PCDHGA3: variants seen among roughly 807,000 people sequenced by gnomAD.
PCDHGA3 encodes the protein protocadherin gamma subfamily A, 3.
A neutral mutation model predicts 58.5 loss-of-function variants in PCDHGA3; 40 were observed. The observed-to-expected ratio is 0.68, with a 90% CI of 0.53 to 0.89. The LOEUF (loss-of-function observed/expected upper bound fraction) is 0.89, where lower values mean the gene tolerates loss of function less well. Among genes scored for constraint, PCDHGA3 ranks in the 40% least tolerant of loss-of-function variants. The pLI, the probability that PCDHGA3 is intolerant of heterozygous loss-of-function variation, is 0.00. For missense variants in PCDHGA3, 1,223 were observed against 1,195.9 expected, an observed-to-expected ratio of 1.02 and a Z score of -0.33; for synonymous variants, 530 against 525.7, an observed-to-expected ratio of 1.01 and a Z score of -0.11.
At position 141,415,428 on chromosome 5, in the gene PCDHGA3, G is replaced by T. The variant is rs948747218; in HGVS notation, c.2424+68971G>T. 1.5e-5 allele frequency: 24 copies of T among 1,614,088 alleles called. No individual in the cohort carries two copies. In the Admixed American group the frequency reaches 1.7e-4, roughly 11 times the overall value. ...ACTTTGTGGGCGTGGACGGGGTTCG[G>T]GCTTTCCTGCAGACCTATTCCCACG... On this transcript the variant is annotated intron_variant, in intron 1 of 3. Transcript: ENST00000253812.
At chr5:141,376,909 G>T (rs1253318299) in intron 1 of PCDHGA3, 1 of 186,916 alleles carries the variant, frequency 5.3e-6, no homozygotes, top group Non-Finnish European at 1.1e-5. Context: ...GGATGGTCTC[G>T]ATCTCCTGAC....
intron 1 of PCDHGA3, chr5:141,478,480 G>C (rs1444434721): frequency 1.9e-6 from 3 of 1,613,564 alleles, no homozygotes; most frequent in South Asian, 2.2e-5. Flanking sequence ...GCCAGAACAC[G>C]CTGCGGAGCT....
chr5:141,453,022 T>C (rs1222692572), intron 1 of PCDHGA3, among the ~76,000 whole-genome samples: 1 of 152,230 alleles, frequency 6.6e-6, no homozygotes, highest in Non-Finnish European at 1.5e-5. Flanking sequence ...ATGTGATTCA[T>C]TAAAATAAAG....
At chr5:141,506,563 C>T (rs925780739) in intron 3 of PCDHGA3, among the ~76,000 whole-genome samples, 2 of 152,062 alleles carry the variant, frequency 1.3e-5, no homozygotes, top group Non-Finnish European at 2.9e-5. Context: ...TAAACCCCCT[C>T]GGTTTCACTT....
chr5:141,422,433 T>C, intron 1 of PCDHGA3: 2 of 1,609,628 alleles, frequency 1.2e-6, no homozygotes. Context: ...ATGGAAATTA[T>C]TACAAATTGA....
At position 141,345,438 on chromosome 5, in the gene PCDHGA3, G is replaced by A. The variant is rs761923171; in HGVS notation, c.1405G>A (p.Ala469Thr). The A allele has an allele frequency of 3.1e-6, 5 of 1,613,968 alleles. No homozygotes were observed. Among genetic ancestry groups the A allele is most frequent in the Middle Eastern group, 1.6e-4 (1 of 6,062 alleles). ...AYIPENNPRG[A>T]SIFSVTAQDP... ...CATTCCAGAAAACAACCCCAGAGGA[G>A]CCTCCATCTTCTCAGTGACAGCCCA... Residue 469 changes from alanine to threonine, a missense_variant, in exon 1 of 4, where the codon GCC (alanine) becomes ACC (threonine). Ala to Thr is a moderately conservative substitution (Grantham distance 58). Coordinates refer to ENST00000253812, the MANE Select transcript of PCDHGA3 (RefSeq NM_018916.4).
At chr5:141,385,566 C>T in intron 1 of PCDHGA3, 1 of 1,303,468 alleles carries the variant, frequency 7.7e-7, no homozygotes, top group Non-Finnish European at 9.7e-7. Context: ...TAATTTCCAC[C>T]TACTTTCCAA....
At position 141,463,610 on chromosome 5, in the gene PCDHGA3, G is replaced by T. The variant is rs189991450; in HGVS notation, c.2425-31197G>T. Among the ~76,000 whole-genome samples, 263 of 151,786 alleles carry T rather than the reference G, an allele frequency of 1.7e-3. 1 individual carries two copies. The highest frequency in any genetic ancestry group is 3.4e-3 in the Middle Eastern group (1 of 292). ...ACTACAGGTGCCTGCCACCATGCCC[G>T]GCTAATTTTTTGTATTTTGTTTAGT... On this transcript the variant is annotated intron_variant, in intron 1 of 3. Transcript: ENST00000253812.
intron 1 of PCDHGA3, among the ~76,000 whole-genome samples, chr5:141,466,909 ACTC>A (rs1249720055): frequency 6.6e-6 from 1 of 151,110 alleles, no homozygotes; most frequent in Non-Finnish European, 1.5e-5. Flanking sequence ...GTTTTTGAAA[ACTC>A]CTTGTATTAG....
chr5:141,498,726 G>T (rs2099785379), intron 2 of PCDHGA3, among the ~76,000 whole-genome samples: 1 of 152,172 alleles, frequency 6.6e-6, no homozygotes, highest in Admixed American at 6.5e-5. Context: ...GAGGTCAGGA[G>T]TTTGAGACCA....
chr5:141,509,864 A>G (rs2099878667), intron 3 of PCDHGA3, among the ~76,000 whole-genome samples: 1 of 152,262 alleles, frequency 6.6e-6, no homozygotes, highest in East Asian at 1.9e-4. Context: ...GATAAGGTCC[A>G]AGCTGCTGGT....
At chr5:141,442,895 A>G (rs1381559903) in intron 1 of PCDHGA3, among the ~76,000 whole-genome samples, 5 of 152,182 alleles carry the variant, frequency 3.3e-5, no homozygotes, top group African/African-American at 1.2e-4. Context: ...CCTGCTTATC[A>G]CTTCTCCTTC....
At chr5:141,427,945 A>G (rs747625541) in intron 1 of PCDHGA3, 22 of 1,586,364 alleles carry the variant, frequency 1.4e-5, no homozygotes, top group Middle Eastern at 1.7e-4. Flanking sequence ...GGCGACCTCA[A>G]TGACAATGTG....
chr5:141,391,887 T>C (rs970251505), intron 1 of PCDHGA3: 1 of 152,200 alleles, frequency 6.6e-6, no homozygotes, highest in Non-Finnish European at 1.5e-5. Context: ...GTGAAAGGGA[T>C]GGGATGGAGC....
intron 1 of PCDHGA3, among the ~76,000 whole-genome samples, chr5:141,443,859 GAA>G (rs2098408229): frequency 6.6e-6 from 1 of 152,104 alleles, no homozygotes; most frequent in Non-Finnish European, 1.5e-5. Context: ...TCTGAAAACT[GAA>G]AAAATTACTG....
intron 1 of PCDHGA3, chr5:141,430,840 A>G: frequency 6.4e-7 from 1 of 1,565,876 alleles, no homozygotes; most frequent in East Asian, 2.2e-5. Flanking sequence ...GGGAGACCGG[A>G]TGCACCCAGA....
At chr5:141,367,010 A>G (rs917201512) in intron 1 of PCDHGA3, 9 of 419,880 alleles carry the variant, frequency 2.1e-5, no homozygotes, top group Admixed American at 8.4e-5. Flanking sequence ...TTTTACCCAA[A>G]TATTTTGTTA....
intron 1 of PCDHGA3, among the ~76,000 whole-genome samples, chr5:141,456,729 C>T (rs1337183677): frequency 6.6e-6 from 1 of 152,158 alleles, no homozygotes; most frequent in Non-Finnish European, 1.5e-5. Context: ...CTTTGGGAGG[C>T]TGAGGCGGGA....
At position 141,511,436 on chromosome 5, in the gene PCDHGA3, T is replaced by C. The variant is rs1371734719; in HGVS notation, c.*263T>C. The C allele has an allele frequency of 1.5e-5, 11 of 718,486 alleles. No individual in the cohort carries two copies. The highest frequency in any genetic ancestry group is 2.2e-5 in the Non-Finnish European group (10 of 461,474). The allele number at this position is 718,486 out of a possible 1,614,324, so 44.5% of individuals were successfully genotyped here. The stretch of plus-strand genomic sequence containing the variant: ...ACCCATGGGGGTAGTGGGGTTACTG[T>C]AGACACCAAGAACCATTTGCCACAC... On this transcript the variant is annotated 3_prime_UTR_variant, in exon 4 of 4. Coordinates refer to ENST00000253812, the MANE Select transcript of PCDHGA3 (RefSeq NM_018916.4).
Sources: gnomAD v4.1 joint callset for allele counts (sites outside exome capture counted in the v4.1 genomes callset) on GRCh38, gnomAD v4.1.1 for gene constraint, MANE v1.5 for transcripts, NCBI Gene and HGNC (gene_info 2026-07-23, HGNC 2026-07-21) for gene names.